Variants in FHIP1A observed in about 807,000 individuals in gnomAD.
The protein encoded by FHIP1A is FHF complex subunit HOOK-interacting protein 1A.
In FHIP1A, 61 loss-of-function variants were observed where a neutral mutation model predicts 88.6. The ratio of observed to expected loss-of-function variants is 0.69; its 90% CI spans 0.56 to 0.85. The LOEUF (loss-of-function observed/expected upper bound fraction) is 0.85. Ranked by LOEUF, FHIP1A falls within the 40% of genes least tolerant of loss-of-function variation. FHIP1A has a pLI of 0.00. For synonymous variants in FHIP1A, 478 were observed against 496.0 expected (o/e 0.96, Z 0.48); for missense variants, 1,154 against 1,273.5 (o/e 0.91, Z 1.43).
intron 1 of FHIP1A, among the ~76,000 whole-genome samples, chr4:151,429,362 T>A (rs1318966173): frequency 6.6e-6 from 1 of 152,204 alleles, no homozygotes; most frequent in East Asian, 1.9e-4. Context: ...ATCATCTAGT[T>A]AATTAAGCGC....
chr4:151,526,699 C>G (rs1444183877), intron 3 of FHIP1A, among the ~76,000 whole-genome samples: 1 of 151,612 alleles, frequency 6.6e-6, no homozygotes, highest in African/African-American at 2.4e-5. Context: ...AGGTGGCTGC[C>G]GGGCGGAGAC....
At chr4:151,572,127 A>G (rs1383438019) in intron 4 of FHIP1A, among the ~76,000 whole-genome samples, 1 of 152,186 alleles carries the variant, frequency 6.6e-6, no homozygotes, top group East Asian at 1.9e-4. Context: ...GACTTGCTTG[A>G]ACCCAGGAGG....
intron 5 of FHIP1A, 138 bp from the exon 6 acceptor site, chr4:151,586,503 C>T (rs115225307): frequency 0.019 from 11,162 of 595,254 alleles, 180 homozygotes; most frequent in East Asian, 0.063. Flanking sequence ...AGCTGGCTGA[C>T]GGGCTCTTAT....
intron 7 of FHIP1A, among the ~76,000 whole-genome samples, chr4:151,603,510 G>A (rs934294307): frequency 2.1e-4 from 32 of 152,016 alleles, no homozygotes; most frequent in African/African-American, 7.5e-4. Flanking sequence ...GACTATTCCT[G>A]CACTGATTGA....
chr4:151,410,837 A>G (rs1220898390), intron 1 of FHIP1A, among the ~76,000 whole-genome samples: 1 of 152,206 alleles, frequency 6.6e-6, no homozygotes, highest in Non-Finnish European at 1.5e-5. Context: ...GTTCCAGTTA[A>G]TCCCTTTCCG....
intron 7 of FHIP1A, among the ~76,000 whole-genome samples, chr4:151,613,202 A>T (rs1735391432): frequency 6.6e-6 from 1 of 152,250 alleles, no homozygotes; most frequent in Admixed American, 6.5e-5. Context: ...GTTGGGAATT[A>T]GTCAAATCCT....
chr4:151,586,663 G>A lies in FHIP1A; in HGVS notation c.755G>A (p.Gly252Asp). 6.5e-7 allele frequency: 1 copy of A among 1,550,194 alleles called. No homozygotes were observed. The highest frequency in any genetic ancestry group is 8.7e-7 in the Non-Finnish European group (1 of 1,145,904). The change falls in exon 6 of 14, where the codon GGT becomes GAT. Residue 252 changes from glycine to aspartate, a missense_variant. Physicochemically the swap from Gly to Asp is moderately conservative, Grantham distance 94. Transcript: ENST00000435205. ...CAGGTACTTGCAACTGGGCTCAGTG[G>A]TCTCTACTCTTCCCTGCCTACAAAG... ...FCPVLATGLS[G>D]LYSSLPTKLE...
In FHIP1A at chr4:151,646,701, A is replaced by G; in HGVS notation, c.1370A>G (p.Gln457Arg). Residue 457 changes from glutamine (Q) to arginine (R), a missense_variant, in exon 10 of 14, where the codon CAA (glutamine) becomes CGA (arginine). Transcript: ENST00000435205. ...SSGITLTLGN[Q>R]ERDYILWSKC... ...GGGATCACTCTGACGCTGGGGAACC[A>G]AGAGAGGGATTATATTCTCTGGTCA... The G allele has an allele frequency of 6.4e-7, 1 of 1,551,614 alleles. No homozygotes were observed. The highest frequency in any genetic ancestry group is 8.7e-7 in the Non-Finnish European group (1 of 1,146,956).
chr4:151,481,400 G>A (rs1055690395), intron 2 of FHIP1A, among the ~76,000 whole-genome samples: 1 of 151,800 alleles, frequency 6.6e-6, no homozygotes, highest in Non-Finnish European at 1.5e-5. Context: ...GTTTTTAATG[G>A]CCAACAGAAT....
At chr4:151,501,091 G>A (rs1730635057) in intron 3 of FHIP1A, among the ~76,000 whole-genome samples, 1 of 152,126 alleles carries the variant, frequency 6.6e-6, no homozygotes, top group Non-Finnish European at 1.5e-5. Flanking sequence ...GAATTTTGGT[G>A]ATATCAGCAG....
intron 3 of FHIP1A, among the ~76,000 whole-genome samples, chr4:151,506,595 A>T (rs1336688698): frequency 2.0e-5 from 3 of 152,126 alleles, no homozygotes; most frequent in African/African-American, 7.2e-5. Flanking sequence ...GAAGCAAGAG[A>T]GAGAGGGGAG....
At chr4:151,496,559 A>G (rs56897989) in intron 3 of FHIP1A, among the ~76,000 whole-genome samples, 12 of 151,650 alleles carry the variant, frequency 7.9e-5, no homozygotes, top group Non-Finnish European at 1.5e-4. Context: ...TTTATTTATT[A>G]ATTATTTGAG....
intron 1 of FHIP1A, among the ~76,000 whole-genome samples, 155 bp from the exon 2 acceptor site, chr4:151,454,546 A>G (rs1728904102): frequency 6.6e-6 from 1 of 152,228 alleles, no homozygotes; most frequent in Non-Finnish European, 1.5e-5. Context: ...TGTTTAAAAC[A>G]CGCATGTCCC....
chr4:151,566,410 G>C (rs1241056870), intron 4 of FHIP1A, 46 bp downstream of exon 4: 1 of 1,116,012 alleles, frequency 9.0e-7, no homozygotes, highest in Non-Finnish European at 1.3e-6. Flanking sequence ...GTAACCCCAG[G>C]GGCCTCCATC....
In FHIP1A at chr4:151,595,648, G is replaced by A. The variant is rs530852832; in HGVS notation, c.978+6722G>A. 2.6e-5 allele frequency among the ~76,000 whole-genome samples: 4 copies of A among 152,294 alleles called. No individual in the cohort carries two copies. The South Asian group carries it at 8.3e-4, about 32-fold the overall frequency. ...GGTGTTAAAGTCTCCCGCTATTATT[G>A]TGTGGGAGTCTAAGTCTGTTTGTAG... is the stretch of plus-strand genomic sequence containing the variant. On this transcript the variant is annotated intron_variant, in intron 7 of 13. Transcript: ENST00000435205.
chr4:151,656,511 C>G lies in FHIP1A; in HGVS notation c.2730+101C>G, dbSNP rs1210860173. On this transcript the variant is annotated intron_variant, in intron 12 of 13. Coordinates refer to ENST00000435205, the MANE Select transcript of FHIP1A (RefSeq NM_001109977.3). This position sits in a 1 kb window ranked among gnomAD's most constrained non-coding sequence, Gnocchi z 4.2. Reference sequence around the variant, plus strand: ...TTTGTTTTTCAAAAATTCCTTTGCTCTAATTCATTTGCTTTCCTTCCCTGT... The same window carrying G: ...TTTGTTTTTCAAAAATTCCTTTGCTGTAATTCATTTGCTTTCCTTCCCTGT... 8 of 1,253,408 alleles carry G rather than the reference C, an allele frequency of 6.4e-6. No individual in the cohort carries two copies. Among genetic ancestry groups the G allele is most frequent in the Non-Finnish European group, 8.8e-6 (8 of 906,598 alleles). 77.6% of individuals were successfully genotyped at this position (1,253,408 alleles called of 1,614,324 possible). A position where few individuals can be genotyped will look rare whatever the true frequency, so the allele number is the denominator to read the frequency against.
rs976908771 is a variant in FHIP1A at position 151,577,791 on chromosome 4, T to C, written c.447T>C (p.Ser149=). ...AGCCTCTGATGATGTTGCTGAGCTC[T>C]TGTTCAGGAACAACCACCCCCACTG... is the stretch of plus-strand genomic sequence containing the variant. ...ILKPLMMLLS[S]CSGTTTPTVE... is the part of the protein sequence containing the mutation. The change falls in exon 5 of 14, where the codon TCT becomes TCC. Residue 149 remains serine, a synonymous_variant. Coordinates refer to ENST00000435205, the MANE Select transcript of FHIP1A (RefSeq NM_001109977.3). 2 of 1,552,084 alleles carry C rather than the reference T, an allele frequency of 1.3e-6. No individual in the cohort carries two copies. Among genetic ancestry groups the C allele is most frequent in the Non-Finnish European group, 1.7e-6 (2 of 1,147,082 alleles).
intron 3 of FHIP1A, among the ~76,000 whole-genome samples, chr4:151,490,760 T>C (rs1238711766): frequency 7.3e-5 from 11 of 149,920 alleles, no homozygotes; most frequent in East Asian, 5.9e-4. Context: ...AAACAGGATA[T>C]GGATGAAAAA....
intron 1 of FHIP1A, among the ~76,000 whole-genome samples, chr4:151,434,837 G>A (rs937606501): frequency 3.9e-5 from 6 of 152,064 alleles, no homozygotes; most frequent in African/African-American, 1.2e-4. Flanking sequence ...TAGGTAAAAA[G>A]AATTGACCTC....
Sources: gnomAD v4.1 joint callset for allele counts (sites outside exome capture counted in the v4.1 genomes callset) on GRCh38, gnomAD v4.1.1 for gene constraint, Gnocchi (gnomAD v3.1) non-coding constraint, MANE v1.5 for transcripts, NCBI Gene and HGNC (gene_info 2026-07-23, HGNC 2026-07-21) for gene names.